HEATR6: variants seen among roughly 807,000 people sequenced by gnomAD.
The protein encoded by HEATR6 is HEAT repeat-containing protein 6.
A neutral mutation model predicts 132.8 loss-of-function variants in HEATR6; 106 were observed. The ratio of observed to expected loss-of-function variants is 0.80; its 90% confidence interval spans 0.68 to 0.94. The LOEUF (loss-of-function observed/expected upper bound fraction) is 0.94. Ranked by LOEUF, HEATR6 falls within the 40% of genes least tolerant of loss-of-function variation. The pLI, the probability that HEATR6 is intolerant of heterozygous loss-of-function variation, is 0.00. For missense variants in HEATR6, 1,339 were observed against 1,425.1 expected (o/e 0.94, Z 0.97); for synonymous variants, 529 against 537.8 (o/e 0.98, Z 0.23).
At position 60,073,351 on chromosome 17, in the gene HEATR6, T is replaced by G. The variant is rs896405484; in HGVS notation, c.469-72A>C. 1.2e-5 allele frequency: 11 copies of G among 906,470 alleles called. 1 individual carries two copies. The highest frequency in any genetic ancestry group is 1.9e-5 in the Non-Finnish European group (11 of 568,382). The allele number at this position is 906,470 out of a possible 1,614,324, so 56.2% of individuals were successfully genotyped here. On this transcript the variant is annotated intron_variant, in intron 3 of 19. Transcript: ENST00000184956. ...AAATATTATGTTTTAGACAGATTTCTTCTTTCTTTTTTTAACTAAATGGCA... is the reference window on the plus strand; with the variant it reads ...AAATATTATGTTTTAGACAGATTTCGTCTTTCTTTTTTTAACTAAATGGCA...
Position 60,073,186 on chromosome 17 carries a change from A to G in HEATR6, c.562T>C (p.Cys188Arg), listed in dbSNP as rs201627147. Residue 188 changes from cysteine (C) to arginine (R), a missense_variant, in exon 4 of 20, where the codon TGT becomes CGT. Cys to Arg is a radical substitution (Grantham distance 180). Transcript: ENST00000184956. The part of the protein sequence containing the change: ...DPEVRRAAVH[C>R]MANLCLSVPG... Reference sequence around the variant, plus strand: ...TACCTGAGACATAAGTTTGCCATACAATGTACTGCAGCTCTCCTGACTTCA... The same window carrying G: ...TACCTGAGACATAAGTTTGCCATACGATGTACTGCAGCTCTCCTGACTTCA... The G allele has an allele frequency of 6.2e-7, 1 of 1,610,534 alleles. No individual in the cohort carries two copies. The highest frequency in any genetic ancestry group is 1.3e-5 in the African/African-American group (1 of 74,866).
chr17:60,074,125 T>C, intron 2 of HEATR6: 1 of 1,228,004 alleles, frequency 8.1e-7, no homozygotes, highest in South Asian at 3.0e-5. Flanking sequence ...ATGAAGTCCT[T>C]GTAACTTTTC....
At chr17:60,045,572 C>T (rs1376001991) in intron 19 of HEATR6, among the ~76,000 whole-genome samples, 1 of 152,184 alleles carries the variant, frequency 6.6e-6, no homozygotes, top group Non-Finnish European at 1.5e-5. Flanking sequence ...CCTCTCATTC[C>T]AGTTTTTTTC....
rs1344496770 is a variant in HEATR6 at position 60,067,672 on chromosome 17, T to C, written c.1000A>G (p.Lys334Glu). The change falls in exon 8 of 20, where the codon AAG becomes GAG. Residue 334 changes from lysine to glutamate, a missense_variant. Lys to Glu is a moderately conservative substitution (Grantham distance 56). Coordinates refer to ENST00000184956, the MANE Select transcript of HEATR6 (RefSeq NM_022070.5). The part of the protein sequence containing the change: ...KKIQQGEEEE[K>E]ESSGEIEAAP... ...GCCTCTATTTCACCACTGGATTCCT[T>C]TTCCTCCTCCTCTCCTTGCTGGATT... 5.6e-6 allele frequency: 9 copies of C among 1,613,490 alleles called. No homozygotes were observed. In the East Asian group the frequency reaches 1.8e-4, roughly 32 times the overall value.
intron 9 of HEATR6, among the ~76,000 whole-genome samples, chr17:60,061,817 C>T (rs531316787): frequency 2.6e-5 from 4 of 152,378 alleles, no homozygotes; most frequent in African/African-American, 4.8e-5. Flanking sequence ...ACTAGAGGCT[C>T]GTCCGAACTC....
At chr17:60,065,695 A>G (rs919213542) in intron 9 of HEATR6, among the ~76,000 whole-genome samples, 24 of 152,324 alleles carry the variant, frequency 1.6e-4, no homozygotes, top group African/African-American at 5.3e-4. Context: ...TTTATTACAC[A>G]TGATTTGAAA....
intron 6 of HEATR6, 43 bp downstream of exon 6, chr17:60,070,663 G>C (rs2083265492): frequency 8.7e-7 from 1 of 1,155,788 alleles, no homozygotes; most frequent in African/African-American, 1.5e-5. Context: ...TGTACCATGG[G>C]TTGAAACAGG....
rs760347564 is a variant in HEATR6, at chr17:60,056,147, C to T, written c.2170G>A (p.Ala724Thr). 2 of 1,614,102 alleles carry T rather than the reference C, an allele frequency of 1.2e-6. No homozygotes were observed. The highest frequency in any genetic ancestry group is 1.1e-5 in the South Asian group (1 of 91,076). Residue 724 changes from alanine (A) to threonine (T), a missense_variant, in exon 13 of 20, where the codon GCA becomes ACA. Transcript: ENST00000184956. ...GEVICKCMGE[A>T]DPSIQLHGAK... ...CCATGAAGCTGAATGGATGGATCTG[C>T]TTCCCCCATGCACTTGCAAATCACC...
intron 9 of HEATR6, chr17:60,063,768 A>G (rs777086537): frequency 6.6e-6 from 1 of 152,296 alleles, no homozygotes; most frequent in Non-Finnish European, 1.5e-5. Context: ...ACCTGCCATA[A>G]ACTCAAAACT....
At chr17:60,055,455 C>T in intron 14 of HEATR6, 60 bp downstream of exon 14, 2 of 1,158,268 alleles carry the variant, frequency 1.7e-6, no homozygotes, top group Non-Finnish European at 2.5e-6. Flanking sequence ...CACTGAGCTT[C>T]AAAATAAAAC....
Position 60,067,588 on chromosome 17 carries a change from AGGG to A in HEATR6, c.1081_1083del (p.Pro361del). The A allele has an allele frequency of 6.2e-7, 1 of 1,612,886 alleles. No individual in the cohort carries two copies. The highest frequency in any genetic ancestry group is 8.5e-7 in the Non-Finnish European group (1 of 1,179,542). ...GGCAAACTCTGGACACCCAGGGAGG[AGGG>A]ACACCAAGTGTTCCCTTCATGCAGG... On this transcript the variant is annotated inframe_deletion, in exon 8 of 20. Transcript: ENST00000184956.
rs758891559 is a variant in HEATR6, at chr17:60,057,252, A to T, written c.1875T>A (p.Asp625Glu). The T allele has an allele frequency of 3.1e-6, 5 of 1,614,104 alleles. No individual in the cohort carries two copies. The highest frequency in any genetic ancestry group is 4.2e-6 in the Non-Finnish European group (5 of 1,180,000). ...NSATPHLSPP[D>E]WWKKAPAGPS... ...GTCCTGCAGGGGCTTTCTTCCACCAATCAGGAGGGCTGAGGTGAGGGGTTG... is the reference window on the plus strand; with the variant it reads ...GTCCTGCAGGGGCTTTCTTCCACCATTCAGGAGGGCTGAGGTGAGGGGTTG... The change falls in exon 12 of 20, where the codon GAT becomes GAA. Residue 625 changes from aspartate (D) to glutamate (E), a missense_variant. By Grantham distance (45) the Asp-to-Glu change is conservative. Transcript: ENST00000184956.
At chr17:60,054,871 G>A (rs752686454) in intron 14 of HEATR6, among the ~76,000 whole-genome samples, 1 of 152,316 alleles carries the variant, frequency 6.6e-6, no homozygotes, top group African/African-American at 2.4e-5. Flanking sequence ...AGGAACATGA[G>A]ATTTGTGGTG....
rs1906435061 is a variant in HEATR6, at chr17:60,048,132, C to CA, written c.2672+131dup. The CA allele has an allele frequency of 7.2e-6, 6 of 837,504 alleles. No homozygotes were observed. The East Asian group carries it at 1.1e-4, about 16-fold the overall frequency. The allele number at this position is 837,504 out of a possible 1,614,324, so 51.9% of individuals were successfully genotyped here. On this transcript the variant is annotated intron_variant, in intron 17 of 19. Coordinates refer to ENST00000184956, the MANE Select transcript of HEATR6 (RefSeq NM_022070.5). ...TTTTATTTTCTGAAGGAATATCAAA[C>CA]AAAAAAAGCAGGAAGACTGACTGCA...
At position 60,067,326 on chromosome 17, in the gene HEATR6, C is replaced by CCAGAAAT. The variant is rs2083247071; in HGVS notation, c.1238+101_1238+107dup. ...CATGTTCTGAATAACACCATGCCCC[C>CCAGAAAT]CAGAAATCAGGCTCTTCAAGTTAAA... On this transcript the variant is annotated intron_variant, in intron 8 of 19. Coordinates refer to ENST00000184956, the MANE Select transcript of HEATR6 (RefSeq NM_022070.5). The CCAGAAAT allele has an allele frequency of 3.5e-5, 25 of 718,810 alleles. No homozygotes were observed. The South Asian group carries it at 5.7e-4, about 17-fold the overall frequency. 44.5% of individuals were successfully genotyped at this position (718,810 alleles called of 1,614,324 possible). A position where few individuals can be genotyped will look rare whatever the true frequency, so the allele number is the denominator to read the frequency against.
At chr17:60,049,005 T>TATATATATA (rs1219352133) in intron 16 of HEATR6, among the ~76,000 whole-genome samples, 1 of 134,946 alleles carries the variant, frequency 7.4e-6, no homozygotes, top group South Asian at 2.3e-4. Flanking sequence ...TATATATATA[T>TATATATATA]ATATATATAT....
chr17:60,072,172 G>A, intron 5 of HEATR6, 43 bp downstream of exon 5: 1 of 1,026,948 alleles, frequency 9.7e-7, no homozygotes, highest in South Asian at 1.7e-5. Flanking sequence ...TCTGCTTCTA[G>A]ACACATCCGC....
chr17:60,049,530 G>A (rs1235534256), intron 16 of HEATR6, 50 bp downstream of exon 16: 1 of 1,607,846 alleles, frequency 6.2e-7, no homozygotes, highest in African/African-American at 1.3e-5. Flanking sequence ...AAATAGGGGT[G>A]TCATGGACTA....
chr17:60,044,151 G>A lies in HEATR6; in HGVS notation c.2975-17C>T. ...GGGCTGTCCCTAGAAAGAATCCACA[G>A]TCACTAAAACAAATGCAGGCTTAGA... On this transcript the variant is annotated splice_polypyrimidine_tract_variant and intron_variant, in intron 19 of 19. Coordinates refer to ENST00000184956, the MANE Select transcript of HEATR6 (RefSeq NM_022070.5). 3 of 1,582,950 alleles carry A rather than the reference G, an allele frequency of 1.9e-6. No individual in the cohort carries two copies. Among genetic ancestry groups the A allele is most frequent in the Non-Finnish European group, 2.6e-6 (3 of 1,163,402 alleles).
Sources: gnomAD v4.1 joint callset for allele counts (sites outside exome capture counted in the v4.1 genomes callset) on GRCh38, gnomAD v4.1.1 for gene constraint, MANE v1.5 for transcripts, NCBI Gene and HGNC (gene_info 2026-07-23, HGNC 2026-07-21) for gene names.